Variants in MCF2L observed in about 807,000 individuals in gnomAD.
MCF2L encodes MCF.2 cell line derived transforming sequence like, also known as guanine nucleotide exchange factor DBS.
Under a neutral mutation model 153.4 loss-of-function variants are expected in MCF2L, and 97 were observed. The observed-to-expected ratio is 0.63, with a 90% confidence interval of 0.54 to 0.75. The LOEUF (loss-of-function observed/expected upper bound fraction) is 0.75, where lower values mean the gene tolerates loss of function less well. MCF2L is among the 30% of genes least tolerant of loss of function. MCF2L has a pLI of 0.00. For synonymous variants in MCF2L, 659 were observed against 632.2 expected (o/e 1.04, Z -0.64); for missense variants, 1,347 against 1,495.2 (o/e 0.90, Z 1.64).
At chr13:112,906,790 C>T (rs576315686) in intron 2 of MCF2L, among the ~76,000 whole-genome samples, 32 of 152,330 alleles carry the variant, frequency 2.1e-4, no homozygotes, top group African/African-American at 7.0e-4. Context: ...CCGGCACAGG[C>T]GAGCACCTCT....
intron 2 of MCF2L, among the ~76,000 whole-genome samples, chr13:112,935,732 A>T (rs908847634): frequency 1.3e-5 from 2 of 152,246 alleles, no homozygotes; most frequent in African/African-American, 4.8e-5. Flanking sequence ...TTTATCGGAC[A>T]TAACCCCATC....
intron 1 of MCF2L, among the ~76,000 whole-genome samples, chr13:112,895,214 G>A (rs1566622949): frequency 5.3e-5 from 8 of 152,098 alleles, no homozygotes; most frequent in Non-Finnish European, 2.9e-5. Flanking sequence ...GCCAGAGGGG[G>A]CTCTGGAGCC....
intron 9 of MCF2L, among the ~76,000 whole-genome samples, chr13:113,071,390 A>G (rs1051866349): frequency 6.6e-6 from 1 of 152,184 alleles, no homozygotes; most frequent in African/African-American, 2.4e-5. Context: ...TTTTTCACGT[A>G]GCCAAAGCAT....
chr13:112,969,119 G>C (rs1159665659), upstream of MCF2L: 1 of 256,962 alleles, frequency 3.9e-6, no homozygotes, highest in Non-Finnish European at 7.0e-6. The surrounding 1 kb of genome is among the most constrained non-coding windows in gnomAD (Gnocchi z 4.8). Flanking sequence ...GGTGACCCGC[G>C]GTGGTGACAC....
chr13:113,088,967 G>A (rs1486558111), intron 25 of MCF2L, among the ~76,000 whole-genome samples: 3 of 152,338 alleles, frequency 2.0e-5, no homozygotes, highest in East Asian at 1.9e-4. Flanking sequence ...CAGCACACAC[G>A]TGGGCACGTT....
At position 113,092,813 on chromosome 13, in the gene MCF2L, G is replaced by A. The variant is rs1318783518; in HGVS notation, c.2954-1701G>A. On this transcript the variant is annotated intron_variant, in intron 26 of 29. Coordinates refer to ENST00000535094, the MANE Select transcript of MCF2L (RefSeq NM_001112732.3). ...CCCCCGCGCCCTGTTCCAGCACAGC[G>A]CTCTTGATGGCCCGCAGAGAGGCTC... Among the ~76,000 whole-genome samples, 8 of 152,212 alleles carry A rather than the reference G, an allele frequency of 5.3e-5. No individual in the cohort carries two copies. The East Asian group carries it at 1.2e-3, about 22-fold the overall frequency.
chr13:113,060,748 A>T (rs2031258832), intron 5 of MCF2L, 36 bp downstream of exon 5: 1 of 1,607,496 alleles, frequency 6.2e-7, no homozygotes, highest in East Asian at 2.2e-5. Flanking sequence ...CGGTAGCAGA[A>T]CGGAACTCAT....
At chr13:113,061,380 C>T (rs774619552) in intron 5 of MCF2L, among the ~76,000 whole-genome samples, 19 of 152,264 alleles carry the variant, frequency 1.2e-4, no homozygotes, top group African/African-American at 2.6e-4. Flanking sequence ...GTAGCTCCCC[C>T]GGAGAGCCCT....
intron 1 of MCF2L, among the ~76,000 whole-genome samples, chr13:112,973,999 G>A (rs2082136004): frequency 6.6e-6 from 1 of 152,126 alleles, no homozygotes; most frequent in Non-Finnish European, 1.5e-5. Flanking sequence ...AGCCGCTCCT[G>A]ACTCTTCCAC....
chr13:113,056,576 G>A (rs545530710), intron 4 of MCF2L, among the ~76,000 whole-genome samples: 10 of 146,808 alleles, frequency 6.8e-5, no homozygotes, highest in Admixed American at 4.1e-4. Flanking sequence ...GAGTGTTTGC[G>A]TGCTGTGTGT....
chr13:113,080,385 C>A (rs2034006642), intron 15 of MCF2L, among the ~76,000 whole-genome samples: 1 of 152,134 alleles, frequency 6.6e-6, no homozygotes, highest in Non-Finnish European at 1.5e-5. Context: ...CCTCGGCTGG[C>A]AGTTCCTGGG....
chr13:113,010,909 C>T (rs1015656430), intron 1 of MCF2L, among the ~76,000 whole-genome samples: 2 of 152,240 alleles, frequency 1.3e-5, no homozygotes, highest in Non-Finnish European at 2.9e-5. Flanking sequence ...GTCTCCTGAA[C>T]TGAGTGGCCA....
rs1299934453 is a variant in MCF2L at position 113,014,795 on chromosome 13, T to A, written c.112T>A (p.Cys38Ser). 1.2e-6 allele frequency: 2 copies of A among 1,614,066 alleles called. No homozygotes were observed. The highest frequency in any genetic ancestry group is 3.3e-5 in the Admixed American group (2 of 60,026). ...CATGCACCAGGACATCGTCCCGCTC[T>A]GTGCTGCCGACATCCAGGACCAGCT... ...EIMHQDIVPL[C>S]AADIQDQLKK... Residue 38 changes from cysteine (C) to serine (S), a missense_variant, in exon 2 of 30, where the codon TGT (cysteine) becomes AGT (serine). Physicochemically the swap from Cys to Ser is moderately radical, Grantham distance 112. This residue lies in a region of MCF2L where 820 missense variants were observed against 921.2 expected (regional missense o/e 0.89). Coordinates refer to ENST00000535094, the MANE Select transcript of MCF2L (RefSeq NM_001112732.3).
rs145185774 is a variant in MCF2L, at chr13:113,044,909, T to G, written c.279-362T>G. The G allele has an allele frequency of 6.9e-3, 11,063 of 1,611,608 alleles. 54 individuals carry two copies. The highest frequency in any genetic ancestry group is 8.6e-3 in the Non-Finnish European group (10,103 of 1,178,824). On this transcript the variant is annotated intron_variant, in intron 3 of 29. Coordinates refer to ENST00000535094, the MANE Select transcript of MCF2L (RefSeq NM_001112732.3). ...GTGATGTATGCGCCATAAGACTGTT[T>G]TGGAGGGTTTAGTCAGCTGGTCACC... is the stretch of plus-strand genomic sequence containing the variant.
chr13:112,923,194 G>T (rs1253861764), intron 2 of MCF2L, among the ~76,000 whole-genome samples: 1 of 150,576 alleles, frequency 6.6e-6, no homozygotes, highest in Non-Finnish European at 1.5e-5. Context: ...TTATTTTCTA[G>T]GTGTCAGAGA....
At chr13:113,078,291 C>A in intron 13 of MCF2L, 72 bp from the exon 14 acceptor site, 1 of 1,283,084 alleles carries the variant, frequency 7.8e-7, no homozygotes, top group African/African-American at 1.5e-5. Flanking sequence ...GGGGCCTTTT[C>A]CCGCTGGGTG....
At chr13:112,998,175 C>T (rs758438624) in intron 1 of MCF2L, among the ~76,000 whole-genome samples, 8 of 152,230 alleles carry the variant, frequency 5.3e-5, no homozygotes, top group African/African-American at 9.6e-5. Flanking sequence ...TTTCTAGGCA[C>T]ATTTGTAAAG....
chr13:113,001,871 C>T (rs772785899), intron 1 of MCF2L: 20 of 1,560,384 alleles, frequency 1.3e-5, no homozygotes, highest in African/African-American at 6.8e-5. Flanking sequence ...AAGGGCGTTC[C>T]GGGAGCCGGG....
chr13:112,931,731 G>A (rs1354152876), intron 2 of MCF2L, among the ~76,000 whole-genome samples: 1 of 152,160 alleles, frequency 6.6e-6, no homozygotes, highest in East Asian at 1.9e-4. Flanking sequence ...GAGGCAGGAA[G>A]TATGCAAGAT....
Sources: gnomAD v4.1 joint callset for allele counts (sites outside exome capture counted in the v4.1 genomes callset) on GRCh38, gnomAD v4.1.1 for gene constraint, gnomAD v4.1.1 regional missense constraint, Gnocchi (gnomAD v3.1) non-coding constraint, MANE v1.5 for transcripts, NCBI Gene and HGNC (gene_info 2026-07-23, HGNC 2026-07-21) for gene names.